KCNIP4: variants seen among roughly 807,000 people sequenced by gnomAD.
KCNIP4 encodes potassium voltage-gated channel interacting protein 4, also known as Kv channel-interacting protein 4.
In KCNIP4, 12 loss-of-function variants were observed where a neutral mutation model predicts 34.0. That is an observed-to-expected ratio of 0.35 (90% CI 0.23 to 0.57). KCNIP4 has a LOEUF of 0.57. Among genes scored for constraint, KCNIP4 ranks in the 20% least tolerant of loss-of-function variants. KCNIP4 has a pLI of 0.83. For missense variants in KCNIP4, 238 were observed against 311.7 expected (o/e 0.76, Z 1.78); for synonymous variants, 124 against 102.2 (o/e 1.21, Z -1.29).
chr4:20,840,450 G>C (rs953451940), intron 3 of KCNIP4, among the ~76,000 whole-genome samples: 2 of 152,138 alleles, frequency 1.3e-5, no homozygotes, highest in Non-Finnish European at 2.9e-5. Context: ...ATAGGAAGAC[G>C]TATTTCTCAG....
rs147321782 is a variant in KCNIP4, at chr4:20,741,474, G to A, written c.430-6739C>T. Among the ~76,000 whole-genome samples, 8 of 152,306 alleles carry A rather than the reference G, an allele frequency of 5.3e-5. No homozygotes were observed. The East Asian group carries it at 1.5e-3, about 29-fold the overall frequency. ...CAACCTGCTCCTGAATGACCACTGG[G>A]TAGATAATGAAATGAAGGCAGAAAT... On this transcript the variant is annotated intron_variant, in intron 5 of 8. Transcript: ENST00000382152.
chr4:21,354,267 C>A (rs1718332758), intron 1 of KCNIP4, among the ~76,000 whole-genome samples: 1 of 152,146 alleles, frequency 6.6e-6, no homozygotes, highest in Admixed American at 6.5e-5. Flanking sequence ...CAGATAACAT[C>A]ATAATGACAG....
chr4:21,451,539 G>A (rs543030339), intron 1 of KCNIP4, among the ~76,000 whole-genome samples: 19 of 152,246 alleles, frequency 1.2e-4, no homozygotes, highest in African/African-American at 4.6e-4. Flanking sequence ...ATTTTTCAAA[G>A]TCATTTGAAG....
At chr4:21,946,738 T>G (rs1239823924) in intron 1 of KCNIP4, among the ~76,000 whole-genome samples, 1 of 152,212 alleles carries the variant, frequency 6.6e-6, no homozygotes, top group Non-Finnish European at 1.5e-5. Context: ...AGGTGTCAAA[T>G]CAATTCTCAG....
intron 1 of KCNIP4, among the ~76,000 whole-genome samples, chr4:21,280,917 A>G (rs902869021): frequency 6.6e-6 from 1 of 152,098 alleles, no homozygotes; most frequent in Non-Finnish European, 1.5e-5. Flanking sequence ...GGAGATGTGA[A>G]TGCTCCAGTC....
intron 1 of KCNIP4, among the ~76,000 whole-genome samples, chr4:21,598,066 A>C (rs1742796043): frequency 6.6e-6 from 1 of 152,138 alleles, no homozygotes; most frequent in Non-Finnish European, 1.5e-5. Flanking sequence ...ACTAGTCAGC[A>C]TGCCACTGAC....
chr4:21,612,231 T>G (rs1301519367), intron 1 of KCNIP4, among the ~76,000 whole-genome samples: 1 of 152,192 alleles, frequency 6.6e-6, no homozygotes, highest in Non-Finnish European at 1.5e-5. Context: ...CACTGAAATA[T>G]TATGTGCATT....
chr4:21,926,398 C>A (rs1306133328), intron 1 of KCNIP4, among the ~76,000 whole-genome samples: 1 of 152,118 alleles, frequency 6.6e-6, no homozygotes, highest in East Asian at 1.9e-4. Flanking sequence ...GTTTTCAGAG[C>A]AGAAAAACTA....
At chr4:21,431,504 C>A (rs1437320787) in intron 1 of KCNIP4, among the ~76,000 whole-genome samples, 8 of 152,010 alleles carry the variant, frequency 5.3e-5, no homozygotes, top group Admixed American at 5.2e-4. Context: ...AAAAGACATT[C>A]ATAAATGGTA....
rs34489149 is a variant in KCNIP4 at position 21,934,511 on chromosome 4, A to C, written c.61+14060T>G. Among the ~76,000 whole-genome samples the C allele has an allele frequency of 6.9e-3, 1,045 of 152,258 alleles. 2 individuals are homozygous for C. Among genetic ancestry groups the C allele is most frequent in the Non-Finnish European group, 0.011 (778 of 67,996 alleles). ...AAGATTTGAAGGGGAGAAAATATCC[A>C]GACTATATAAGATCTCTATACTGTA... is the stretch of plus-strand genomic sequence containing the variant. On this transcript the variant is annotated intron_variant, in intron 1 of 8. Coordinates refer to ENST00000382152, the MANE Select transcript of KCNIP4 (RefSeq NM_025221.6).
chr4:21,646,199 T>C (rs765690995), intron 1 of KCNIP4, among the ~76,000 whole-genome samples: 1 of 152,224 alleles, frequency 6.6e-6, no homozygotes, highest in Non-Finnish European at 1.5e-5. Flanking sequence ...CTTGGCCTTA[T>C]GCTGTCAGAC....
intron 1 of KCNIP4, among the ~76,000 whole-genome samples, chr4:21,411,592 A>C (rs546839313): frequency 6.6e-6 from 1 of 152,308 alleles, no homozygotes; most frequent in Non-Finnish European, 1.5e-5. Context: ...AGATGAGTGG[A>C]TCGCTGGAGC....
rs73805035 is a variant in KCNIP4 at position 21,169,032 on chromosome 4, T to C, written c.62-286323A>G. 3.8e-3 allele frequency among the ~76,000 whole-genome samples: 578 copies of C among 152,314 alleles called. 4 individuals are homozygous for C. Among genetic ancestry groups the C allele is most frequent in the African/African-American group, 0.013 (526 of 41,574 alleles). ...CACTCTGCCAATAGCCCTAGGGATGTTGCATTCACAGGTACATTTATTTAA... is the reference window on the plus strand; with the variant it reads ...CACTCTGCCAATAGCCCTAGGGATGCTGCATTCACAGGTACATTTATTTAA... On this transcript the variant is annotated intron_variant, in intron 1 of 8. Transcript: ENST00000382152.
chr4:21,686,809 C>T (rs1750836390), intron 1 of KCNIP4, among the ~76,000 whole-genome samples: 1 of 151,920 alleles, frequency 6.6e-6, no homozygotes, highest in African/African-American at 2.4e-5. Context: ...TTCTAGTATC[C>T]CATTACTGGG....
In KCNIP4 at chr4:21,723,426, CAT is replaced by C. The variant is rs143999316; in HGVS notation, c.61+225143_61+225144del. Among the ~76,000 whole-genome samples the C allele has an allele frequency of 4.4e-4, 67 of 152,216 alleles. No homozygotes were observed. The East Asian group carries it at 0.01, about 24-fold the overall frequency. On this transcript the variant is annotated intron_variant, in intron 1 of 8. Coordinates refer to ENST00000382152, the MANE Select transcript of KCNIP4 (RefSeq NM_025221.6). ...TTTAAACCCATAGCCAGCTAAATCA[CAT>C]GTTAGGCCTTCACCTAGTATATTTA...
At chr4:21,249,250 A>G (rs1305120447) in intron 1 of KCNIP4, among the ~76,000 whole-genome samples, 2 of 152,146 alleles carry the variant, frequency 1.3e-5, no homozygotes, top group East Asian at 1.9e-4. Flanking sequence ...ACATATAACC[A>G]TATCAAAAAC....
chr4:20,731,552 C>T, intron 8 of KCNIP4: 1 of 985,332 alleles, frequency 1.0e-6, no homozygotes, highest in African/African-American at 1.7e-5. Flanking sequence ...CATTTCTTGT[C>T]CACATACACT....
intron 3 of KCNIP4, among the ~76,000 whole-genome samples, chr4:20,834,458 T>C (rs980316765): frequency 1.6e-4 from 25 of 152,096 alleles, no homozygotes; most frequent in African/African-American, 5.1e-4. Context: ...TTAGAGATAA[T>C]GATAAATGCT....
At chr4:21,929,709 T>G (rs1195363244) in intron 1 of KCNIP4, among the ~76,000 whole-genome samples, 1 of 152,208 alleles carries the variant, frequency 6.6e-6, no homozygotes. Context: ...CTCTCCCACA[T>G]CTCCTTAATC....
Sources: gnomAD v4.1 joint callset for allele counts (sites outside exome capture counted in the v4.1 genomes callset) on GRCh38, gnomAD v4.1.1 for gene constraint, MANE v1.5 for transcripts, NCBI Gene and HGNC (gene_info 2026-07-23, HGNC 2026-07-21) for gene names.